The following SCAPER variants were observed in gnomAD, a reference collection of about 807,000 sequenced individuals.
The protein encoded by SCAPER is S phase cyclin A-associated protein in the endoplasmic reticulum.
In SCAPER, 98 loss-of-function variants were observed where a neutral mutation model predicts 182.2. That is an observed-to-expected ratio of 0.54 (90% CI 0.46 to 0.64). The LOEUF (loss-of-function observed/expected upper bound fraction) is 0.64. Among genes scored for constraint, SCAPER ranks in the 30% least tolerant of loss-of-function variants. SCAPER has a pLI of 0.00. For synonymous variants in SCAPER, 605 were observed against 564.6 expected (o/e 1.07, Z -1.01); for missense variants, 1,432 against 1,690.0 (o/e 0.85, Z 2.68).
At chr15:76,689,585 C>A (rs999427171) in intron 20 of SCAPER, among the ~76,000 whole-genome samples, 2 of 151,738 alleles carry the variant, frequency 1.3e-5, no homozygotes, top group Non-Finnish European at 2.9e-5. Flanking sequence ...AAAGCCTCCC[C>A]CTAAAAATGG....
At chr15:76,728,943 A>G (rs986308547) in intron 16 of SCAPER, among the ~76,000 whole-genome samples, 2 of 152,232 alleles carry the variant, frequency 1.3e-5, no homozygotes, top group African/African-American at 4.8e-5. Flanking sequence ...TGTTACACAT[A>G]ATTCAGTAAA....
intron 24 of SCAPER, among the ~76,000 whole-genome samples, chr15:76,481,935 A>G (rs2051177314): frequency 6.6e-6 from 1 of 152,164 alleles, no homozygotes; most frequent in African/African-American, 2.4e-5. Context: ...TGAAGTTCAA[A>G]TGTTCCTTTT....
At chr15:76,413,122 A>AT (rs913775014) in intron 26 of SCAPER, among the ~76,000 whole-genome samples, 26 of 152,152 alleles carry the variant, frequency 1.7e-4, no homozygotes, top group African/African-American at 5.8e-4. Flanking sequence ...TTAAATAATC[A>AT]TTTTTTTCTT....
At chr15:76,827,383 G>A (rs943602477) in intron 5 of SCAPER, among the ~76,000 whole-genome samples, 15 of 152,184 alleles carry the variant, frequency 9.9e-5, no homozygotes, top group African/African-American at 3.6e-4. Context: ...CTCTTCTGTA[G>A]TGAGTATACA....
rs142023300 is a variant in SCAPER at position 76,350,869 on chromosome 15, C to T, written c.4099+368G>A. On this transcript the variant is annotated intron_variant, in intron 31 of 31. Coordinates refer to ENST00000563290, the MANE Select transcript of SCAPER (RefSeq NM_020843.4). Reference sequence around the variant, plus strand: ...TTCTGAACATGGATAAGGAACCAAACCTATGTGATTTCAGCATTTATGTGA... The same window carrying T: ...TTCTGAACATGGATAAGGAACCAAATCTATGTGATTTCAGCATTTATGTGA... The T allele has an allele frequency of 3.0e-3, 489 of 163,610 alleles. 5 individuals are homozygous for T. The highest frequency in any genetic ancestry group is 0.011 in the African/African-American group (466 of 41,980). The allele number at this position is 163,610 out of a possible 1,614,324, so 10.1% of individuals were successfully genotyped here.
chr15:76,453,624 C>T (rs2048523042), intron 25 of SCAPER, among the ~76,000 whole-genome samples: 1 of 152,176 alleles, frequency 6.6e-6, no homozygotes, highest in African/African-American at 2.4e-5. Context: ...ATAACTGATA[C>T]TGTTTACTTT....
At chr15:76,461,015 G>GA (rs539251526) in intron 25 of SCAPER, among the ~76,000 whole-genome samples, 75 of 152,216 alleles carry the variant, frequency 4.9e-4, no homozygotes, top group Non-Finnish European at 2.5e-4. Flanking sequence ...TCCAATCCAA[G>GA]ATTCCATAAT....
At chr15:76,405,109 C>CTT (rs35039615) in intron 26 of SCAPER, among the ~76,000 whole-genome samples, 1,209 of 112,376 alleles carry the variant, frequency 0.011, 35 homozygotes, top group African/African-American at 0.027. Context: ...ACAACTTACA[C>CTT]TTTTTTTTTT....
chr15:76,589,970 T>C (rs1373880106), intron 22 of SCAPER, among the ~76,000 whole-genome samples: 1 of 152,174 alleles, frequency 6.6e-6, no homozygotes, highest in Non-Finnish European at 1.5e-5. Context: ...CCTGTGTGTG[T>C]TTGGGGGTGG....
intron 22 of SCAPER, among the ~76,000 whole-genome samples, chr15:76,578,399 G>A (rs144267167): frequency 0.029 from 4,492 of 152,312 alleles, 90 homozygotes; most frequent in Non-Finnish European, 0.047. Flanking sequence ...CGCCTTGGGC[G>A]AGACACAGTA....
chr15:76,821,879 A>G (rs1005305744), intron 5 of SCAPER, among the ~76,000 whole-genome samples: 1 of 150,054 alleles, frequency 6.7e-6, no homozygotes, highest in African/African-American at 2.5e-5. Context: ...CCTCATCTCT[A>G]AAAAAAAAGG....
rs1245128825 is a variant in SCAPER, at chr15:76,777,648, C to A, written c.773-2531G>T. ...TGTGGAGGTTGCAGTGAGCTGAGATCGCACCATGGCATTCCAGCCTGGGCA... is the reference window on the plus strand; with the variant it reads ...TGTGGAGGTTGCAGTGAGCTGAGATAGCACCATGGCATTCCAGCCTGGGCA... On this transcript the variant is annotated intron_variant, in intron 8 of 31. Transcript: ENST00000563290. 5.3e-5 allele frequency among the ~76,000 whole-genome samples: 8 copies of A among 152,204 alleles called. No individual in the cohort carries two copies. The East Asian group carries it at 1.5e-3, about 29-fold the overall frequency.
chr15:76,469,985 A>G lies in SCAPER; in HGVS notation c.3078+1227T>C, dbSNP rs148170755. On this transcript the variant is annotated intron_variant, in intron 25 of 31. Coordinates refer to ENST00000563290, the MANE Select transcript of SCAPER (RefSeq NM_020843.4). ...ATAATGTAGCCTTTGATGACTCATT[A>G]TCATCACTATAAAAAGCCATTGTTG... 1.5e-3 allele frequency among the ~76,000 whole-genome samples: 229 copies of G among 152,028 alleles called. 2 individuals carry two copies. The highest frequency in any genetic ancestry group is 5.0e-3 in the African/African-American group (209 of 41,470).
rs564151836 is a variant in SCAPER, at chr15:76,702,878, T to C, written c.2372A>G (p.Lys791Arg). The change falls in exon 19 of 32, where the codon AAG becomes AGG. Residue 791 changes from lysine (K) to arginine (R), a missense_variant. By Grantham distance (26) the Lys-to-Arg change is conservative (BLOSUM62 2). Coordinates refer to ENST00000563290, the MANE Select transcript of SCAPER (RefSeq NM_020843.4). Reference protein sequence around the residue: ...YAPKLTPYERKKQCSLCNVLI... With the variant: ...YAPKLTPYERRKQCSLCNVLI... ...GACATTGCAGAGAGAACACTGCTTC[T>C]TTCTTTCATAAGGGGTCAGTTTGGG... 2 of 1,609,044 alleles carry C rather than the reference T, an allele frequency of 1.2e-6. No homozygotes were observed. Among genetic ancestry groups the C allele is most frequent in the African/African-American group, 1.3e-5 (1 of 74,710 alleles).
At chr15:76,565,457 C>T (rs1369675928) in intron 23 of SCAPER, among the ~76,000 whole-genome samples, 1 of 151,990 alleles carries the variant, frequency 6.6e-6, no homozygotes, top group Non-Finnish European at 1.5e-5. Flanking sequence ...TAGAGAAATG[C>T]AAATCAAAAC....
chr15:76,584,913 T>C (rs973573690), intron 22 of SCAPER, among the ~76,000 whole-genome samples: 1 of 152,180 alleles, frequency 6.6e-6, no homozygotes, highest in Non-Finnish European at 1.5e-5. Context: ...CAATTTCATC[T>C]AAAAATTTAT....
intron 27 of SCAPER, among the ~76,000 whole-genome samples, chr15:76,403,922 G>A (rs2044641784): frequency 6.6e-6 from 1 of 152,124 alleles, no homozygotes; most frequent in Non-Finnish European, 1.5e-5. Context: ...GGATGGGGTA[G>A]GATGGAGTAG....
intron 26 of SCAPER, among the ~76,000 whole-genome samples, chr15:76,423,767 AT>A (rs1437079679): frequency 9.9e-5 from 15 of 152,118 alleles, no homozygotes; most frequent in African/African-American, 3.6e-4. Context: ...AGTGCTATAA[AT>A]TTCCCTCTAC....
intron 15 of SCAPER, chr15:76,736,626 C>G (rs1171884517): frequency 1.3e-5 from 2 of 152,392 alleles, no homozygotes; most frequent in Non-Finnish European, 2.9e-5. Context: ...TTTGCTCATT[C>G]ATAAGAAATA....
Sources: gnomAD v4.1 joint callset for allele counts (sites outside exome capture counted in the v4.1 genomes callset) on GRCh38, gnomAD v4.1.1 for gene constraint, MANE v1.5 for transcripts, NCBI Gene and HGNC (gene_info 2026-07-23, HGNC 2026-07-21) for gene names.